The following PSD3 variants were observed in gnomAD, a reference collection of about 807,000 sequenced individuals.
PSD3 encodes the protein PH and SEC7 domain-containing protein 3.
A neutral mutation model predicts 105.5 loss-of-function variants in PSD3; 49 were observed. The ratio of observed to expected loss-of-function variants is 0.46; its 90% CI spans 0.37 to 0.59. The LOEUF is 0.59. Among genes scored for constraint, PSD3 ranks in the 20% least tolerant of loss-of-function variants. The probability of loss-of-function intolerance (pLI) is 0.00; values close to 1 mark genes in which losing one functional copy is unlikely to be tolerated. For missense variants in PSD3, 1,561 were observed against 1,263.8 expected (o/e 1.24, Z -3.57); for synonymous variants, 557 against 457.8 (o/e 1.22, Z -2.77).
chr8:18,620,229 C>T (rs528033515), intron 11 of PSD3, among the ~76,000 whole-genome samples: 1 of 152,146 alleles, frequency 6.6e-6, no homozygotes, highest in Non-Finnish European at 1.5e-5. Context: ...CCAATGGATA[C>T]CTTTCATGTA....
chr8:18,904,150 C>G (rs773810009), intron 2 of PSD3, among the ~76,000 whole-genome samples: 13 of 152,076 alleles, frequency 8.5e-5, no homozygotes, highest in Non-Finnish European at 1.8e-4. Context: ...AAAGGGATAG[C>G]AGGCATGTCA....
intron 4 of PSD3, among the ~76,000 whole-genome samples, chr8:18,823,002 T>G (rs373987951): frequency 6.6e-6 from 1 of 152,102 alleles, no homozygotes; most frequent in South Asian, 2.1e-4. Flanking sequence ...AAGTTTCAAT[T>G]TAAGCTCCAT....
intron 8 of PSD3, among the ~76,000 whole-genome samples, chr8:18,769,563 CACT>C (rs1472237962): frequency 6.6e-6 from 1 of 152,100 alleles, no homozygotes; most frequent in Non-Finnish European, 1.5e-5. Context: ...CAATCACCAC[CACT>C]ATCTACATTC....
chr8:18,889,934 G>T (rs776903193), intron 2 of PSD3, among the ~76,000 whole-genome samples: 1 of 151,960 alleles, frequency 6.6e-6, no homozygotes, highest in African/African-American at 2.4e-5. Flanking sequence ...ACAAACTATA[G>T]GTAATAAATT....
At chr8:18,985,373 A>C (rs1825450655) in intron 1 of PSD3, among the ~76,000 whole-genome samples, 1 of 152,174 alleles carries the variant, frequency 6.6e-6, no homozygotes, top group Non-Finnish European at 1.5e-5. Context: ...TGCATATAGA[A>C]TATCTGGGGC....
At chr8:19,041,363 A>G (rs1341557632) in intron 1 of PSD3, among the ~76,000 whole-genome samples, 1 of 152,204 alleles carries the variant, frequency 6.6e-6, no homozygotes, top group East Asian at 1.9e-4. Flanking sequence ...ATGTTGTACG[A>G]TACTCATTTT....
intron 9 of PSD3, among the ~76,000 whole-genome samples, chr8:18,678,174 G>C (rs1800177237): frequency 6.6e-6 from 1 of 152,126 alleles, no homozygotes; most frequent in African/African-American, 2.4e-5. Flanking sequence ...TGCACTACCA[G>C]ATTTACTTTG....
At chr8:18,880,504 A>G (rs1377682439) in intron 2 of PSD3, among the ~76,000 whole-genome samples, 1 of 152,146 alleles carries the variant, frequency 6.6e-6, no homozygotes, top group Non-Finnish European at 1.5e-5. Flanking sequence ...TACAGGTGAG[A>G]GACGGTGAGT....
intron 15 of PSD3, among the ~76,000 whole-genome samples, chr8:18,550,542 T>A: frequency 6.6e-6 from 1 of 152,186 alleles, no homozygotes. Flanking sequence ...AAAATATATT[T>A]ACACCACCTA....
rs555002337 is a variant in PSD3, at chr8:18,660,059, C to T, written c.2173-4374G>A. On this transcript the variant is annotated intron_variant, in intron 9 of 15. Coordinates refer to ENST00000327040, the MANE Select transcript of PSD3 (RefSeq NM_015310.4). ...GAATGGCACCCCTAATGTCCAGGTC[C>T]CAATCTCTAGAACTTGTGAATGTTA... is the stretch of plus-strand genomic sequence containing the variant. 1.4e-3 allele frequency among the ~76,000 whole-genome samples: 220 copies of T among 152,196 alleles called. 2 individuals are homozygous for T. The highest frequency in any genetic ancestry group is 5.0e-3 in the African/African-American group (207 of 41,528).
intron 9 of PSD3, among the ~76,000 whole-genome samples, chr8:18,738,196 T>A (rs1330751373): frequency 6.6e-6 from 1 of 152,134 alleles, no homozygotes; most frequent in East Asian, 1.9e-4. Context: ...TGGTGACCAA[T>A]TTTGCATATC....
chr8:19,023,053 A>G (rs1480768245), intron 1 of PSD3, among the ~76,000 whole-genome samples: 2 of 152,162 alleles, frequency 1.3e-5, no homozygotes, highest in East Asian at 3.9e-4. Context: ...ATATGTGCTC[A>G]TAGGATATCA....
At chr8:18,838,316 C>A (rs2129451075) in intron 4 of PSD3, among the ~76,000 whole-genome samples, 1 of 152,274 alleles carries the variant, frequency 6.6e-6, no homozygotes, top group East Asian at 1.9e-4. Flanking sequence ...CCTCACCATG[C>A]TTGGAAAGTG....
At chr8:18,749,288 T>C (rs1050533926) in intron 9 of PSD3, among the ~76,000 whole-genome samples, 1 of 151,966 alleles carries the variant, frequency 6.6e-6, no homozygotes, top group African/African-American at 2.4e-5. Context: ...ACAACCAGAG[T>C]CCCTTCTACT....
chr8:18,569,189 C>T (rs1801985817), intron 14 of PSD3, among the ~76,000 whole-genome samples: 1 of 133,336 alleles, frequency 7.5e-6, no homozygotes. Flanking sequence ...GTCTTTATAG[C>T]AGCATGATTT....
chr8:18,842,310 C>T (rs11779137), intron 4 of PSD3, among the ~76,000 whole-genome samples: 1 of 152,132 alleles, frequency 6.6e-6, no homozygotes, highest in African/African-American at 2.4e-5. Flanking sequence ...TTTTATAACC[C>T]TTTTGCGCTG....
At chr8:19,064,388 T>A (rs1395519) in intron 1 of PSD3, among the ~76,000 whole-genome samples, 4 of 151,804 alleles carry the variant, frequency 2.6e-5, no homozygotes, top group Admixed American at 1.3e-4. Flanking sequence ...TATTTTTAAC[T>A]GTTATTTACA....
intron 14 of PSD3, among the ~76,000 whole-genome samples, chr8:18,569,155 C>T (rs1161789641): frequency 5.4e-5 from 7 of 130,462 alleles, no homozygotes; most frequent in Admixed American, 1.7e-4. Flanking sequence ...TGAATAATGC[C>T]GCAATAAACA....
intron 8 of PSD3, among the ~76,000 whole-genome samples, chr8:18,790,028 C>T (rs1809550354): frequency 6.6e-6 from 1 of 152,036 alleles, no homozygotes; most frequent in African/African-American, 2.4e-5. Context: ...ATATATAAAC[C>T]TGTTCTTAAA....
Sources: gnomAD v4.1 joint callset for allele counts (sites outside exome capture counted in the v4.1 genomes callset) on GRCh38, gnomAD v4.1.1 for gene constraint, MANE v1.5 for transcripts, NCBI Gene and HGNC (gene_info 2026-07-23, HGNC 2026-07-21) for gene names.